Variants in OR4K17 observed in about 807,000 individuals in gnomAD.
OR4K17 encodes olfactory receptor family 4 subfamily K member 17.
For synonymous variants in OR4K17, 157 were observed against 132.8 expected, an observed-to-expected ratio of 1.18 and a Z score of -1.25; for missense variants, 480 against 366.3, an observed-to-expected ratio of 1.31 and a Z score of -2.53.
At position 20,118,090 on chromosome 14, in the gene OR4K17, A is replaced by G; in HGVS notation, c.591A>G (p.Val197=). ...GTATAGACATATATTTTGTACAGGT[A>G]GTCATTGTTGCCAACAGTGGCATAA... is the stretch of plus-strand genomic sequence containing the variant. ...LACIDIYFVQ[V]VIVANSGIIS... is the part of the protein sequence containing the mutation. The change falls in exon 2 of 2, where the codon GTA becomes GTG. Residue 197 remains valine, a synonymous_variant. Coordinates refer to ENST00000641386, the MANE Select transcript of OR4K17 (RefSeq NM_001004715.5). The G allele has an allele frequency of 6.2e-7, 1 of 1,614,046 alleles. No homozygotes were observed. The highest frequency in any genetic ancestry group is 8.5e-7 in the Non-Finnish European group (1 of 1,179,956).
chr14:20,116,026 C>T (rs1312121333), intron 1 of OR4K17, among the ~76,000 whole-genome samples: 3 of 152,002 alleles, frequency 2.0e-5, no homozygotes, highest in African/African-American at 7.3e-5. Flanking sequence ...ATAATAGGCA[C>T]ATTAAAAACA....
rs1878093305 is a variant in OR4K17 at position 20,119,011 on chromosome 14, G to A, written c.*573G>A. On this transcript the variant is annotated 3_prime_UTR_variant, in exon 2 of 2. Transcript: ENST00000641386. The stretch of plus-strand genomic sequence containing the variant: ...TATTTCATCCCTTATCTACAGCCGT[G>A]TAAGACAGACATTGCCAGAGCGGCC... 6.6e-6 allele frequency: 1 copy of A among 152,318 alleles called. No homozygotes were observed. The highest frequency in any genetic ancestry group is 6.5e-5 in the Admixed American group (1 of 15,268). 9.4% of individuals were successfully genotyped at this position (152,318 alleles called of 1,614,324 possible). A position where few individuals can be genotyped will look rare whatever the true frequency, so the allele number is the denominator to read the frequency against.
At chr14:20,116,365 T>C (rs936407133) in intron 1 of OR4K17, among the ~76,000 whole-genome samples, 2 of 152,040 alleles carry the variant, frequency 1.3e-5, no homozygotes, top group African/African-American at 4.8e-5. Context: ...CACACACACA[T>C]ACATTATATT....
At position 20,121,691 on chromosome 14, in the gene OR4K17, G is replaced by A. The variant is rs2139061263; in HGVS notation, c.*3253G>A. The A allele has an allele frequency of 6.6e-6, 1 of 151,488 alleles. No homozygotes were observed. Among genetic ancestry groups the A allele is most frequent in the South Asian group, 2.1e-4 (1 of 4,812 alleles). 9.4% of individuals were successfully genotyped at this position (151,488 alleles called of 1,614,324 possible). A position where few individuals can be genotyped will look rare whatever the true frequency, so the allele number is the denominator to read the frequency against. ...AGAAAATAAACTATGAATAAATGAA[G>A]ACGAAAGAGAAAGATGAAGCAAAAG... On this transcript the variant is annotated 3_prime_UTR_variant, in exon 2 of 2. Coordinates refer to ENST00000641386, the MANE Select transcript of OR4K17 (RefSeq NM_001004715.5).
chr14:20,113,428 A>G (rs915210288), intron 1 of OR4K17, among the ~76,000 whole-genome samples: 2 of 151,998 alleles, frequency 1.3e-5, no homozygotes, highest in East Asian at 1.9e-4. Flanking sequence ...TTTGAATCCC[A>G]TGATTTTATC....
chr14:20,115,334 A>G (rs1330376452), intron 1 of OR4K17, among the ~76,000 whole-genome samples: 1 of 152,112 alleles, frequency 6.6e-6, no homozygotes, highest in Non-Finnish European at 1.5e-5. Context: ...TAGTTGTGGC[A>G]TTATTCAATA....
chr14:20,111,891 T>G (rs1006251934), intron 1 of OR4K17: 3 of 152,080 alleles, frequency 2.0e-5, no homozygotes, highest in Non-Finnish European at 4.4e-5. Context: ...AGCTACTTTT[T>G]TGTGTGTGAT....
chr14:20,116,022 G>C (rs1213919169), intron 1 of OR4K17, among the ~76,000 whole-genome samples: 2 of 152,072 alleles, frequency 1.3e-5, no homozygotes, highest in Non-Finnish European at 2.9e-5. Flanking sequence ...GATAATAATA[G>C]GCACATTAAA....
chr14:20,116,747 C>G (rs1878001818), intron 1 of OR4K17, among the ~76,000 whole-genome samples: 1 of 152,072 alleles, frequency 6.6e-6, no homozygotes, highest in Admixed American at 6.6e-5. Context: ...ATCCGTGTTG[C>G]TTAATCTCAG....
At chr14:20,117,282 C>A in intron 1 of OR4K17, 186 bp from the exon 2 acceptor site, 1 of 650,826 alleles carries the variant, frequency 1.5e-6, no homozygotes, top group Non-Finnish European at 2.6e-6. Context: ...TAGGTCATTG[C>A]TCTTTTATGG....
rs764222269 is a variant in OR4K17, at chr14:20,117,815, T to G, written c.316T>G (p.Leu106Val). Residue 106 changes from leucine to valine, a missense_variant, in exon 2 of 2, where the codon TTA becomes GTA. By Grantham distance (32) the Leu-to-Val change is conservative. Transcript: ENST00000641386. ...CTTCACTCAGATATTTCTCCTTCAC[T>G]TACTGGGTGGGGTTGAAATGGTACT... ...GCFTQIFLLH[L>V]LGGVEMVLLV... 6.2e-7 allele frequency: 1 copy of G among 1,614,030 alleles called. No individual in the cohort carries two copies. Among genetic ancestry groups the G allele is most frequent in the Non-Finnish European group, 8.5e-7 (1 of 1,180,030 alleles).
chr14:20,115,489 T>G (rs1877969082), intron 1 of OR4K17, among the ~76,000 whole-genome samples: 1 of 152,100 alleles, frequency 6.6e-6, no homozygotes, highest in African/African-American at 2.4e-5. Flanking sequence ...AGATGCAATA[T>G]TACATCCTAT....
chr14:20,113,365 T>G (rs868033766), intron 1 of OR4K17, among the ~76,000 whole-genome samples: 52 of 152,046 alleles, frequency 3.4e-4, no homozygotes, highest in African/African-American at 1.1e-3. Context: ...AGGCTAAAGT[T>G]CAGCCTTACT....
Position 20,119,957 on chromosome 14 carries a change from C to G in OR4K17, c.*1519C>G, listed in dbSNP as rs1382096930. The G allele has an allele frequency of 6.6e-6, 1 of 152,088 alleles. No homozygotes were observed. The highest frequency in any genetic ancestry group is 1.5e-5 in the Non-Finnish European group (1 of 68,004). The allele number at this position is 152,088 out of a possible 1,614,324, so 9.4% of individuals were successfully genotyped here. A position where few individuals can be genotyped will look rare whatever the true frequency, so the allele number is the denominator to read the frequency against. ...AGGCAAGTAAAATGCAGTAAGATTA[C>G]AGTAGTCAGTCAAGATTATTTTTAA... On this transcript the variant is annotated 3_prime_UTR_variant, in exon 2 of 2. Transcript: ENST00000641386.
rs934197923 is a variant in OR4K17 at position 20,119,414 on chromosome 14, T to A, written c.*976T>A. The A allele has an allele frequency of 6.6e-6, 1 of 152,206 alleles. No homozygotes were observed. The highest frequency in any genetic ancestry group is 1.9e-4 in the East Asian group (1 of 5,200). 9.4% of individuals were successfully genotyped at this position (152,206 alleles called of 1,614,324 possible). On this transcript the variant is annotated 3_prime_UTR_variant, in exon 2 of 2. Transcript: ENST00000641386. ...ACAAGAGTATTGATTGGGGAAGTGA[T>A]AAATGTCCATGAAATTTTCACAATT...
intron 1 of OR4K17, among the ~76,000 whole-genome samples, chr14:20,112,958 T>C (rs1197089454): frequency 6.6e-6 from 1 of 152,052 alleles, no homozygotes; most frequent in African/African-American, 2.4e-5. Flanking sequence ...GTGTTCTCAA[T>C]TGCTGCCCAA....
intron 1 of OR4K17, among the ~76,000 whole-genome samples, chr14:20,115,241 G>A (rs2139054371): frequency 6.6e-6 from 1 of 152,072 alleles, no homozygotes; most frequent in South Asian, 2.1e-4. Flanking sequence ...TCAGGTCCTG[G>A]CATTTTTATG....
chr14:20,117,980 C>T lies in OR4K17; in HGVS notation c.481C>T (p.Pro161Ser). The stretch of plus-strand genomic sequence containing the variant: ...TCTCCTTCACTCAGGGTTTCAGATA[C>T]CATTTGCTGTGAACTTGCCCTTTTG... ...LGLLHSGFQI[P>S]FAVNLPFCGP... Residue 161 changes from proline to serine, a missense_variant, in exon 2 of 2, where the codon CCA becomes TCA. By Grantham distance (74) the Pro-to-Ser change is moderately conservative. Transcript: ENST00000641386. 1.2e-6 allele frequency: 2 copies of T among 1,614,090 alleles called. No individual in the cohort carries two copies. Among genetic ancestry groups the T allele is most frequent in the Non-Finnish European group, 1.7e-6 (2 of 1,180,014 alleles).
At chr14:20,116,626 A>G (rs954479852) in intron 1 of OR4K17, among the ~76,000 whole-genome samples, 3 of 152,150 alleles carry the variant, frequency 2.0e-5, no homozygotes, top group African/African-American at 7.2e-5. Flanking sequence ...AAGAATCAAG[A>G]CATTAGATGT....
Sources: allele counts gnomAD v4.1 joint callset (sites outside exome capture counted in the v4.1 genomes callset), GRCh38; gene constraint gnomAD v4.1.1; transcripts MANE v1.5; gene names NCBI Gene and HGNC (gene_info 2026-07-23, HGNC 2026-07-21).